PTPRD: variants seen among roughly 807,000 people sequenced by gnomAD.
PTPRD encodes the protein protein tyrosine phosphatase receptor type D, also known as receptor-type tyrosine-protein phosphatase delta.
In PTPRD, 34 loss-of-function variants were observed where a neutral mutation model predicts 214.5. That is an observed-to-expected ratio of 0.16 (90% confidence interval 0.12 to 0.21). The LOEUF (loss-of-function observed/expected upper bound fraction) is 0.21. Among genes scored for constraint, PTPRD ranks in the 10% least tolerant of loss-of-function variants. The pLI, the probability that PTPRD is intolerant of heterozygous loss-of-function variation, is 1.00. For missense variants in PTPRD, 2,545 were observed against 2,398.7 expected (o/e 1.06, Z -1.27); for synonymous variants, 1,128 against 845.7 (o/e 1.33, Z -5.79).
intron 2 of PTPRD, among the ~76,000 whole-genome samples, chr9:10,413,040 TGAAAACCA>T (rs2098453359): frequency 6.6e-6 from 1 of 151,930 alleles, no homozygotes; most frequent in Admixed American, 6.6e-5. Context: ...GCTTTCCCCT[TGAAAACCA>T]GGACAAGACA....
intron 2 of PTPRD, among the ~76,000 whole-genome samples, chr9:10,441,587 A>C (rs958788266): frequency 1.1e-4 from 16 of 151,366 alleles, no homozygotes; most frequent in African/African-American, 3.6e-4. Flanking sequence ...ATCTCAACTT[A>C]TCCTTATTAT....
chr9:9,771,276 C>G, intron 5 of PTPRD, among the ~76,000 whole-genome samples: 1 of 152,104 alleles, frequency 6.6e-6, no homozygotes, highest in East Asian at 1.9e-4. Flanking sequence ...CTGTCTATTT[C>G]TTTTAAGGTA....
intron 8 of PTPRD, among the ~76,000 whole-genome samples, chr9:9,413,732 C>G (rs180791799): frequency 6.6e-6 from 1 of 152,240 alleles, no homozygotes; most frequent in East Asian, 1.9e-4. Flanking sequence ...GCTCTGATTT[C>G]CTTACTTGTA....
chr9:10,354,245 T>C (rs1415822346), intron 2 of PTPRD, among the ~76,000 whole-genome samples: 1 of 152,152 alleles, frequency 6.6e-6, no homozygotes, highest in Non-Finnish European at 1.5e-5. Flanking sequence ...TTTGCTTAGC[T>C]TTACCTTTGC....
At chr9:10,549,782 T>C (rs2060916878) in intron 2 of PTPRD, among the ~76,000 whole-genome samples, 2 of 152,180 alleles carry the variant, frequency 1.3e-5, no homozygotes, top group Admixed American at 6.5e-5. Context: ...AGTATTCCAC[T>C]GTACTTCCAG....
intron 7 of PTPRD, among the ~76,000 whole-genome samples, chr9:9,700,579 A>G (rs115710099): frequency 0.011 from 1,633 of 152,236 alleles, 25 homozygotes; most frequent in African/African-American, 0.037. Flanking sequence ...AGTGGTAACA[A>G]TTGTTACAGA....
At chr9:10,370,338 T>C (rs953611291) in intron 2 of PTPRD, among the ~76,000 whole-genome samples, 3 of 152,098 alleles carry the variant, frequency 2.0e-5, no homozygotes, top group Non-Finnish European at 2.9e-5. Flanking sequence ...AATTTTCAGG[T>C]GAAGAGTGAC....
rs925687097 is a variant in PTPRD at position 9,861,358 on chromosome 9, T to C, written c.-368+77149A>G. ...CAGGCTGGAGTGCATTGGCGCCATC[T>C]CGGCTCACTGCAACCTCCGCCTCCC... On this transcript the variant is annotated intron_variant, in intron 5 of 45. Coordinates refer to ENST00000381196, the MANE Select transcript of PTPRD (RefSeq NM_002839.4). Among the ~76,000 whole-genome samples, 4 of 152,298 alleles carry C rather than the reference T, an allele frequency of 2.6e-5. No individual in the cohort carries two copies. In the South Asian group the frequency reaches 8.3e-4, roughly 32 times the overall value.
chr9:10,376,276 G>C (rs951046912), intron 2 of PTPRD, among the ~76,000 whole-genome samples: 1 of 151,610 alleles, frequency 6.6e-6, no homozygotes, highest in African/African-American at 2.4e-5. Context: ...CATTACCTTG[G>C]AAACTTTGGA....
chr9:8,594,117 CTTT>C (rs1252493398), intron 14 of PTPRD, among the ~76,000 whole-genome samples: 1 of 152,030 alleles, frequency 6.6e-6, no homozygotes, highest in East Asian at 1.9e-4. Flanking sequence ...CTAGTGTTTG[CTTT>C]TTTTGCTGGA....
At chr9:9,233,179 C>A (rs144052031) in intron 9 of PTPRD, among the ~76,000 whole-genome samples, 1 of 152,032 alleles carries the variant, frequency 6.6e-6, no homozygotes, top group African/African-American at 2.4e-5. Flanking sequence ...ACAAAGCTGG[C>A]GAGGCCTCAG....
At chr9:8,696,258 G>A (rs2097909324) in intron 12 of PTPRD, among the ~76,000 whole-genome samples, 1 of 152,138 alleles carries the variant, frequency 6.6e-6, no homozygotes, top group South Asian at 2.1e-4. Context: ...CAGATTTTCT[G>A]TGGCAAGGCT....
intron 5 of PTPRD, among the ~76,000 whole-genome samples, chr9:9,811,981 G>A (rs894869011): frequency 4.6e-5 from 7 of 152,108 alleles, no homozygotes; most frequent in Admixed American, 4.6e-4. Flanking sequence ...AAATGCACCA[G>A]CTACTTCCAC....
intron 4 of PTPRD, among the ~76,000 whole-genome samples, chr9:10,009,205 TAA>T (rs2096548240): frequency 6.6e-6 from 1 of 151,974 alleles, no homozygotes; most frequent in South Asian, 2.1e-4. Flanking sequence ...TTGTCAACAA[TAA>T]AGAGTCAAAC....
At chr9:9,166,478 C>T (rs1417459121) in intron 10 of PTPRD, among the ~76,000 whole-genome samples, 1 of 152,098 alleles carries the variant, frequency 6.6e-6, no homozygotes, top group African/African-American at 2.4e-5. Context: ...AAGTTTAAGA[C>T]CACCTAATTG....
chr9:10,410,569 G>T (rs1271587356), intron 2 of PTPRD, among the ~76,000 whole-genome samples: 1 of 151,322 alleles, frequency 6.6e-6, no homozygotes, highest in Non-Finnish European at 1.5e-5. Context: ...AAAATTATAA[G>T]ACCATTTCTT....
At chr9:9,140,008 G>A (rs972232524) in intron 10 of PTPRD, among the ~76,000 whole-genome samples, 4 of 152,004 alleles carry the variant, frequency 2.6e-5, no homozygotes, top group African/African-American at 7.3e-5. Flanking sequence ...ACCTCCCGCT[G>A]TTCTTGATGA....
At chr9:8,979,968 C>T (rs1008564271) in intron 11 of PTPRD, among the ~76,000 whole-genome samples, 4 of 151,994 alleles carry the variant, frequency 2.6e-5, no homozygotes, top group African/African-American at 4.8e-5. Flanking sequence ...ACGTAAATGT[C>T]TGTAGATGAG....
chr9:10,386,844 G>C (rs2097923010), intron 2 of PTPRD, among the ~76,000 whole-genome samples: 1 of 151,772 alleles, frequency 6.6e-6, no homozygotes, highest in Non-Finnish European at 1.5e-5. Context: ...TAAGGGTGCA[G>C]GTGGAATTAA....
Sources: gnomAD v4.1 joint callset for allele counts (sites outside exome capture counted in the v4.1 genomes callset) on GRCh38, gnomAD v4.1.1 for gene constraint, MANE v1.5 for transcripts, NCBI Gene and HGNC (gene_info 2026-07-23, HGNC 2026-07-21) for gene names.